The following PTK2 variants were observed in gnomAD, a reference collection of about 807,000 sequenced individuals.
PTK2 encodes focal adhesion kinase 1.
Under a neutral mutation model 150.1 loss-of-function variants are expected in PTK2, and 45 were observed. The ratio of observed to expected loss-of-function variants is 0.30; its 90% confidence interval spans 0.24 to 0.38. PTK2 has a LOEUF of 0.38. Ranked by LOEUF, PTK2 falls within the 10% of genes least tolerant of loss-of-function variation. PTK2 has a pLI of 1.00. For synonymous variants in PTK2, 432 were observed against 449.2 expected (o/e 0.96, Z 0.48); for missense variants, 919 against 1,307.3 (o/e 0.70, Z 4.58).
chr8:140,776,057 T>G (rs1424123695), intron 14 of PTK2, among the ~76,000 whole-genome samples: 1 of 152,190 alleles, frequency 6.6e-6, no homozygotes, highest in Non-Finnish European at 1.5e-5. Context: ...CAGGCTGGAG[T>G]GCAGTGGCGT....
intron 19 of PTK2, 123 bp from the exon 23 acceptor site, chr8:140,743,453 T>C (rs1456067210): frequency 1.1e-5 from 6 of 543,270 alleles, no homozygotes; most frequent in Non-Finnish European, 1.9e-5. Flanking sequence ...GAGCAGATTA[T>C]ATGATATTTA....
chr8:140,942,820 C>T (rs1327338966), intron 1 of PTK2, among the ~76,000 whole-genome samples: 8 of 152,104 alleles, frequency 5.3e-5, no homozygotes, highest in Admixed American at 5.2e-4. Flanking sequence ...AAATGTAGTC[C>T]CCAGTGTTGG....
At chr8:140,912,489 CA>C (rs2100163596) in intron 2 of PTK2, among the ~76,000 whole-genome samples, 1 of 151,698 alleles carries the variant, frequency 6.6e-6, no homozygotes, top group South Asian at 2.1e-4. Context: ...AAGATAAATA[CA>C]AATTTTAAAC....
intron 1 of PTK2, among the ~76,000 whole-genome samples, chr8:140,945,987 T>C (rs903556274): frequency 6.6e-6 from 1 of 152,148 alleles, no homozygotes. Context: ...TCTCGCCTTA[T>C]TTTTGCTGGT....
chr8:140,752,388 C>T (rs759165122), intron 16 of PTK2, 72 bp from the exon 20 acceptor site: 32 of 1,422,158 alleles, frequency 2.3e-5, no homozygotes, highest in Non-Finnish European at 3.0e-5. Flanking sequence ...TCATGAAAAC[C>T]TGTCTGTTTT....
chr8:140,934,517 A>C (rs2100172971), intron 1 of PTK2: 1 of 152,170 alleles, frequency 6.6e-6, no homozygotes, highest in African/African-American at 2.4e-5. Flanking sequence ...TGATTCCTTA[A>C]CTTTAGAACA....
chr8:140,776,066 G>A lies in PTK2; in HGVS notation c.1178-11776C>T, dbSNP rs537992274. On this transcript the variant is annotated intron_variant, in intron 14 of 31. Transcript: ENST00000522684. The stretch of plus-strand genomic sequence containing the variant: ...TCCATCCAGGCTGGAGTGCAGTGGC[G>A]TGATCTTGCTTACTATAACCTCCGG... Among the ~76,000 whole-genome samples, 4 of 152,270 alleles carry A rather than the reference G, an allele frequency of 2.6e-5. No homozygotes were observed. In the South Asian group the frequency reaches 6.2e-4, roughly 24 times the overall value.
At chr8:140,933,247 A>G (rs1484496868) in intron 1 of PTK2, among the ~76,000 whole-genome samples, 1 of 152,184 alleles carries the variant, frequency 6.6e-6, no homozygotes, top group African/African-American at 2.4e-5. Flanking sequence ...ACAGCTGGCA[A>G]TAGAAGAGCA....
intron 1 of PTK2, among the ~76,000 whole-genome samples, chr8:140,959,461 C>T (rs1403468864): frequency 6.7e-6 from 1 of 149,892 alleles, no homozygotes; most frequent in Non-Finnish European, 1.5e-5. Flanking sequence ...ATGGCGTGAA[C>T]CCAGGAGGCG....
intron 8 of PTK2, among the ~76,000 whole-genome samples, chr8:140,826,900 G>A (rs577354228): frequency 3.3e-5 from 5 of 152,000 alleles, no homozygotes; most frequent in East Asian, 1.9e-4. Context: ...CCTGGGCGAC[G>A]GAGTGAGACC....
intron 31 of PTK2, chr8:140,663,176 G>T: frequency 6.3e-6 from 1 of 157,814 alleles, no homozygotes; most frequent in African/African-American, 2.4e-5. Context: ...TAAAGGGGAA[G>T]AGGGCATGAG....
At chr8:140,917,116 T>C (rs2100165562) in intron 2 of PTK2, among the ~76,000 whole-genome samples, 2 of 152,068 alleles carry the variant, frequency 1.3e-5, no homozygotes, top group South Asian at 4.1e-4. Context: ...ATTGACCAGG[T>C]GTGGTGGCTC....
intron 10 of PTK2, among the ~76,000 whole-genome samples, chr8:140,809,600 T>A (rs2100100215): frequency 3.3e-5 from 5 of 151,710 alleles, no homozygotes; most frequent in African/African-American, 9.7e-5. Flanking sequence ...AACCCAGGAG[T>A]TTGAGACCAG....
At chr8:140,907,200 C>G (rs1315725820) in intron 2 of PTK2, among the ~76,000 whole-genome samples, 3 of 152,198 alleles carry the variant, frequency 2.0e-5, no homozygotes, top group Admixed American at 2.0e-4. Flanking sequence ...ACCTACTAAA[C>G]TGTTGAATAA....
chr8:140,992,531 C>T (rs1424727420), intron 1 of PTK2, among the ~76,000 whole-genome samples: 1 of 152,062 alleles, frequency 6.6e-6, no homozygotes, highest in Non-Finnish European at 1.5e-5. Context: ...TTCAAGAGGC[C>T]AGAGGTAGGG....
intron 22 of PTK2, chr8:140,734,687 ACAGAAGTATT>A: frequency 2.0e-6 from 1 of 511,350 alleles, no homozygotes. Flanking sequence ...AAATATAAAA[ACAGAAGTATT>A]CAAAAGGTGG....
chr8:140,767,943 T>C (rs534081060), intron 14 of PTK2, among the ~76,000 whole-genome samples: 1 of 152,104 alleles, frequency 6.6e-6, no homozygotes, highest in South Asian at 2.1e-4. Flanking sequence ...TAGTGTAACA[T>C]AGTTTAAGGA....
chr8:140,902,942 T>TGG (rs1228257212), intron 2 of PTK2, among the ~76,000 whole-genome samples: 1 of 131,958 alleles, frequency 7.6e-6, no homozygotes, highest in Non-Finnish European at 1.6e-5. Flanking sequence ...TTTTTTTTTT[T>TGG]TTTTTTTTTT....
At chr8:140,751,046 T>C (rs56208422) in intron 17 of PTK2, among the ~76,000 whole-genome samples, 1 of 151,160 alleles carries the variant, frequency 6.6e-6, no homozygotes, top group Non-Finnish European at 1.5e-5. Context: ...GTCCAGGAGG[T>C]GACACAGCGA....
Sources: allele counts gnomAD v4.1 joint callset (sites outside exome capture counted in the v4.1 genomes callset), GRCh38; gene constraint gnomAD v4.1.1; transcripts MANE v1.5; gene names NCBI Gene and HGNC (gene_info 2026-07-23, HGNC 2026-07-21).